ADARB2: variants seen among roughly 807,000 people sequenced by gnomAD.
The protein encoded by ADARB2 is inactive double-stranded RNA-specific editase B2.
ADARB2 carries 25 observed loss-of-function variants against 62.2 expected under a neutral mutation model. The observed-to-expected ratio is 0.40, with a 90% CI of 0.29 to 0.56. ADARB2 has a LOEUF of 0.56. Ranked by LOEUF, ADARB2 falls within the 20% of genes least tolerant of loss-of-function variation. The pLI, the probability that ADARB2 is intolerant of heterozygous loss-of-function variation, is 0.43. For missense variants in ADARB2, 1,071 were observed against 1,077.4 expected (o/e 0.99, Z 0.08); for synonymous variants, 572 against 500.8 (o/e 1.14, Z -1.90).
At chr10:1,618,472 A>G (rs1351028203) in intron 1 of ADARB2, among the ~76,000 whole-genome samples, 1 of 152,254 alleles carries the variant, frequency 6.6e-6, no homozygotes, top group African/African-American at 2.4e-5. Flanking sequence ...AAGACACTTC[A>G]TAATAATTTG....
chr10:1,186,956 A>G (rs1430117425), intron 8 of ADARB2, among the ~76,000 whole-genome samples: 4 of 152,206 alleles, frequency 2.6e-5, no homozygotes, highest in African/African-American at 4.8e-5. Flanking sequence ...CCCACTGACT[A>G]CAGAGTTGCA....
At chr10:1,685,494 A>G (rs549127890) in intron 1 of ADARB2, among the ~76,000 whole-genome samples, 8 of 152,330 alleles carry the variant, frequency 5.3e-5, no homozygotes, top group Admixed American at 2.0e-4. Flanking sequence ...GTGAAATAAT[A>G]TATTTGTAAA....
chr10:1,309,854 A>C (rs867753), intron 3 of ADARB2, among the ~76,000 whole-genome samples: 3,908 of 152,248 alleles, frequency 0.026, 118 homozygotes, highest in East Asian at 0.11. Flanking sequence ...TTAATTCAGG[A>C]CATTACTGAG....
intron 1 of ADARB2, among the ~76,000 whole-genome samples, chr10:1,730,584 T>C (rs765511630): frequency 7.2e-5 from 11 of 152,162 alleles, no homozygotes; most frequent in South Asian, 2.1e-4. Flanking sequence ...TCTTAGAGAG[T>C]TGAAATAAAT....
At chr10:1,468,837 A>C (rs551478324) in intron 1 of ADARB2, among the ~76,000 whole-genome samples, 15 of 152,380 alleles carry the variant, frequency 9.8e-5, no homozygotes, top group African/African-American at 3.4e-4. Flanking sequence ...TCCGTGCCCA[A>C]GTGGGACACA....
At chr10:1,374,582 G>C (rs1309836698) in intron 2 of ADARB2, among the ~76,000 whole-genome samples, 4 of 152,184 alleles carry the variant, frequency 2.6e-5, no homozygotes, top group Non-Finnish European at 5.9e-5. Flanking sequence ...GAGCATGTGC[G>C]GGTGGGGCCA....
At chr10:1,459,978 A>AACAAACCT (rs1564295548) in intron 1 of ADARB2, among the ~76,000 whole-genome samples, 10 of 116,104 alleles carry the variant, frequency 8.6e-5, no homozygotes, top group Admixed American at 5.2e-4. Context: ...TTACCTGTGT[A>AACAAACCT]GCAAACCTGC....
intron 1 of ADARB2, among the ~76,000 whole-genome samples, chr10:1,388,262 T>C (rs974120978): frequency 6.6e-6 from 1 of 152,142 alleles, no homozygotes; most frequent in Non-Finnish European, 1.5e-5. Context: ...ATCCAAAAGT[T>C]ATAACTAGTA....
chr10:1,254,791 C>T (rs111662263), intron 4 of ADARB2, among the ~76,000 whole-genome samples: 104 of 152,350 alleles, frequency 6.8e-4, no homozygotes, highest in South Asian at 4.6e-3. Context: ...TTCTCTTGAG[C>T]GTTGCACACA....
At chr10:1,666,841 A>G (rs922803520) in intron 1 of ADARB2, among the ~76,000 whole-genome samples, 1 of 152,182 alleles carries the variant, frequency 6.6e-6, no homozygotes, top group African/African-American at 2.4e-5. Flanking sequence ...CACAGTTGCA[A>G]TTATTTGACA....
chr10:1,285,069 C>T (rs1388794060), intron 3 of ADARB2, among the ~76,000 whole-genome samples: 2 of 152,156 alleles, frequency 1.3e-5, no homozygotes, highest in Non-Finnish European at 2.9e-5. Flanking sequence ...CACAGAGAGA[C>T]TCTAAAACCT....
At chr10:1,717,079 CACATGTTATTCTG>C (rs1564203198) in intron 1 of ADARB2, among the ~76,000 whole-genome samples, 12 of 147,742 alleles carry the variant, frequency 8.1e-5, no homozygotes. Flanking sequence ...TTATTCTGAT[CACATGTTATTCTG>C]ATCACGTGTT....
intron 3 of ADARB2, among the ~76,000 whole-genome samples, chr10:1,344,714 G>A (rs1189194357): frequency 2.6e-5 from 4 of 152,294 alleles, no homozygotes; most frequent in African/African-American, 4.8e-5. Context: ...CGTGGACATG[G>A]CTGTGACTTC....
intron 1 of ADARB2, among the ~76,000 whole-genome samples, chr10:1,706,964 C>T (rs1479299380): frequency 1.1e-4 from 8 of 69,904 alleles, no homozygotes; most frequent in South Asian, 1.2e-3. Context: ...CAAAGGGTTT[C>T]CCCGGGGCCT....
intron 8 of ADARB2, among the ~76,000 whole-genome samples, chr10:1,197,775 A>G (rs1328747843): frequency 1.3e-5 from 2 of 152,260 alleles, no homozygotes; most frequent in Non-Finnish European, 2.9e-5. Flanking sequence ...TAACACAAAC[A>G]GCGAATTTAT....
chr10:1,672,815 T>C (rs1301049247), intron 1 of ADARB2, among the ~76,000 whole-genome samples: 1 of 141,530 alleles, frequency 7.1e-6, no homozygotes, highest in Non-Finnish European at 1.6e-5. Context: ...CCACGTCTGG[T>C]TTTCCTGATG....
intron 1 of ADARB2, among the ~76,000 whole-genome samples, chr10:1,474,734 G>T (rs944528496): frequency 2.0e-5 from 3 of 152,236 alleles, no homozygotes; most frequent in Non-Finnish European, 4.4e-5. Context: ...GCCCCAGGCA[G>T]CGGGTGGGTC....
chr10:1,440,308 G>A (rs575736483), intron 1 of ADARB2, among the ~76,000 whole-genome samples: 51 of 152,318 alleles, frequency 3.3e-4, no homozygotes, highest in African/African-American at 1.2e-3. Context: ...GGCCACTGAT[G>A]AGCTAGGTGA....
intron 4 of ADARB2, among the ~76,000 whole-genome samples, chr10:1,251,728 C>T (rs2131783785): frequency 6.6e-6 from 1 of 152,080 alleles, no homozygotes; most frequent in Non-Finnish European, 1.5e-5. Flanking sequence ...AAGGTGGGGC[C>T]TTTAGGAGGT....
Sources: allele counts gnomAD v4.1 joint callset (sites outside exome capture counted in the v4.1 genomes callset), GRCh38; gene constraint gnomAD v4.1.1; transcripts MANE v1.5; gene names NCBI Gene and HGNC (gene_info 2026-07-23, HGNC 2026-07-21).